Variants in SLC30A6 observed in about 807,000 individuals in gnomAD.
SLC30A6 encodes the protein zinc transporter 6.
SLC30A6 carries 55 observed loss-of-function variants against 63.0 expected under a neutral mutation model. The ratio of observed to expected loss-of-function variants is 0.87; its 90% confidence interval spans 0.70 to 1.09. The LOEUF is 1.09. SLC30A6 is among the 50% of genes least tolerant of loss of function. The probability of loss-of-function intolerance (pLI) is 0.00; values close to 1 mark genes in which losing one functional copy is unlikely to be tolerated. For synonymous variants in SLC30A6, 224 were observed against 186.1 expected, an observed-to-expected ratio of 1.20 and a Z score of -1.66; for missense variants, 587 against 549.2, an observed-to-expected ratio of 1.07 and a Z score of -0.69.
In SLC30A6 at chr2:32,204,575, G is replaced by C. The variant is rs1305269606; in HGVS notation, c.666-15G>C. On this transcript the variant is annotated splice_polypyrimidine_tract_variant and intron_variant, in intron 10 of 13. Transcript: ENST00000282587. Reference sequence around the variant, plus strand: ...AGATATAAATTTAAAATTTAGAATTGTTTTTTCCTTTTAGTAATTATTTTG... The same window carrying C: ...AGATATAAATTTAAAATTTAGAATTCTTTTTTCCTTTTAGTAATTATTTTG... 3 of 1,574,472 alleles carry C rather than the reference G, an allele frequency of 1.9e-6. No individual in the cohort carries two copies. The highest frequency in any genetic ancestry group is 2.6e-6 in the Non-Finnish European group (3 of 1,147,336).
intron 10 of SLC30A6, chr2:32,203,482 A>T: frequency 1.2e-6 from 2 of 1,603,312 alleles, no homozygotes; most frequent in Non-Finnish European, 1.7e-6. Flanking sequence ...CAGTGGATGC[A>T]TTGGCTGCAG....
Position 32,219,265 on chromosome 2 carries a change from G to C in SLC30A6, c.886-948G>C, listed in dbSNP as rs116787227. Reference sequence around the variant, plus strand: ...GTCAGGCTGGTCTCGAACTCCTGACGTCAGGGGTGATCCGCCCACCTCAGC... The same window carrying C: ...GTCAGGCTGGTCTCGAACTCCTGACCTCAGGGGTGATCCGCCCACCTCAGC... On this transcript the variant is annotated intron_variant, in intron 13 of 13. Transcript: ENST00000282587. Among the ~76,000 whole-genome samples, 985 of 149,816 alleles carry C rather than the reference G, an allele frequency of 6.6e-3. 7 individuals are homozygous for C. The highest frequency in any genetic ancestry group is 0.011 in the Non-Finnish European group (722 of 67,272).
At chr2:32,203,812 A>C (rs1300558727) in intron 10 of SLC30A6, 7 of 1,451,936 alleles carry the variant, frequency 4.8e-6, no homozygotes, top group Admixed American at 1.7e-5. Context: ...TGATAGAAAC[A>C]CATCTTCTAA....
intron 5 of SLC30A6, among the ~76,000 whole-genome samples, chr2:32,189,281 C>CTTTTTTTTTTTTTTT (rs61221362): frequency 1.7e-5 from 2 of 114,872 alleles, no homozygotes; most frequent in Non-Finnish European, 1.7e-5. Flanking sequence ...TTGATACTGT[C>CTTTTTTTTTTTTTTT]TTTTTTTTTT....
At chr2:32,181,251 G>T (rs780980781) in intron 4 of SLC30A6, among the ~76,000 whole-genome samples, 1 of 152,226 alleles carries the variant, frequency 6.6e-6, no homozygotes, top group Admixed American at 6.5e-5. Flanking sequence ...TTCGATCAGT[G>T]TACCATATTT....
At chr2:32,216,533 CAAAATAAA>C in intron 13 of SLC30A6, among the ~76,000 whole-genome samples, 1 of 112,508 alleles carries the variant, frequency 8.9e-6, no homozygotes, top group South Asian at 3.1e-4. Flanking sequence ...AAGACTCTCT[CAAAATAAA>C]TAAATAAATA....
chr2:32,207,461 C>T (rs1209655318), intron 12 of SLC30A6, among the ~76,000 whole-genome samples: 2 of 151,836 alleles, frequency 1.3e-5, no homozygotes, highest in African/African-American at 2.4e-5. Context: ...ACTGCAACCT[C>T]CGTCTCCCAG....
intron 5 of SLC30A6, among the ~76,000 whole-genome samples, chr2:32,186,448 G>A (rs552408953): frequency 6.6e-6 from 1 of 152,352 alleles, no homozygotes; most frequent in African/African-American, 2.4e-5. Flanking sequence ...GACTTCGGGA[G>A]GCCAAGGTGG....
At chr2:32,172,043 G>C (rs2148800026) in intron 2 of SLC30A6, among the ~76,000 whole-genome samples, 1 of 152,222 alleles carries the variant, frequency 6.6e-6, no homozygotes, top group African/African-American at 2.4e-5. Flanking sequence ...TTTTGAGACT[G>C]TAAATAAAAA....
chr2:32,209,250 C>A lies in SLC30A6; in HGVS notation c.817-243C>A, dbSNP rs138868047. ...GTTGGGGTAGGGGTTTAAAACTGAG[C>A]AGTGGGGACCTGATTCTAAAAGAAT... On this transcript the variant is annotated intron_variant, in intron 12 of 13. Coordinates refer to ENST00000282587, the MANE Select transcript of SLC30A6 (RefSeq NM_017964.5). 4.1e-3 allele frequency among the ~76,000 whole-genome samples: 624 copies of A among 152,248 alleles called. 8 individuals are homozygous for A. Among genetic ancestry groups the A allele is most frequent in the African/African-American group, 0.014 (589 of 41,560 alleles).
Position 32,171,094 on chromosome 2 carries a change from T to C in SLC30A6, c.4-193T>C, listed in dbSNP as rs563213555. Among the ~76,000 whole-genome samples the C allele has an allele frequency of 3.1e-4, 47 of 152,340 alleles. 2 individuals are homozygous for C. The highest frequency in any genetic ancestry group is 4.4e-5 in the Non-Finnish European group (3 of 68,032). On this transcript the variant is annotated intron_variant, in intron 1 of 13. Transcript: ENST00000282587. ...ACTTTGGATGACTTACTAAAAGTTG[T>C]CTCCACCACATAGGTTTATTGTGAA...
intron 4 of SLC30A6, among the ~76,000 whole-genome samples, chr2:32,179,188 T>C (rs2148819086): frequency 6.6e-6 from 1 of 152,340 alleles, no homozygotes; most frequent in South Asian, 2.1e-4. Flanking sequence ...ACATTGCTGG[T>C]GGGAATATAA....
intron 4 of SLC30A6, among the ~76,000 whole-genome samples, chr2:32,179,051 G>A (rs549771089): frequency 6.6e-6 from 1 of 152,196 alleles, no homozygotes; most frequent in South Asian, 2.1e-4. Flanking sequence ...GTAGAAATGA[G>A]GTCTTCTTAT....
intron 4 of SLC30A6, among the ~76,000 whole-genome samples, chr2:32,183,664 G>T (rs1259361163): frequency 4.7e-5 from 7 of 148,946 alleles, no homozygotes; most frequent in African/African-American, 1.7e-4. Flanking sequence ...CTCCAGCCTG[G>T]GCAACAGAGC....
At chr2:32,217,562 A>G (rs749491568) in intron 13 of SLC30A6, among the ~76,000 whole-genome samples, 17 of 152,134 alleles carry the variant, frequency 1.1e-4, no homozygotes, top group Admixed American at 6.6e-4. Flanking sequence ...TTTTGGTTCC[A>G]TATGTATTTT....
rs374592736 is a variant in SLC30A6, at chr2:32,187,038, C to T, written c.284+2700C>T. The T allele has an allele frequency of 8.4e-5, 28 of 334,466 alleles. 1 individual carries two copies. Among genetic ancestry groups the T allele is most frequent in the African/African-American group, 1.8e-4 (8 of 44,968 alleles). The allele number at this position is 334,466 out of a possible 1,614,324, so 20.7% of individuals were successfully genotyped here. On this transcript the variant is annotated intron_variant, in intron 5 of 13. Transcript: ENST00000282587. ...AAAGAAAGAAAAAGAAAAATGAGTT[C>T]GGGGGAAAAAATGGGAGGACTTTTA...
chr2:32,191,820 G>C (rs1683347768), intron 5 of SLC30A6, among the ~76,000 whole-genome samples: 1 of 152,052 alleles, frequency 6.6e-6, no homozygotes, highest in African/African-American at 2.4e-5. Flanking sequence ...TTGAGCCTGG[G>C]AGTTCAGGGT....
chr2:32,217,629 A>G (rs1685819276), intron 13 of SLC30A6, among the ~76,000 whole-genome samples: 1 of 152,104 alleles, frequency 6.6e-6, no homozygotes, highest in Admixed American at 6.6e-5. Context: ...TAGTAATAGC[A>G]TGGAATCTAT....
intron 13 of SLC30A6, chr2:32,214,332 T>G (rs1261294473): frequency 6.6e-6 from 1 of 152,236 alleles, no homozygotes; most frequent in Admixed American, 6.5e-5. Context: ...AATATTCACA[T>G]TTTTATGGCT....
Sources: allele counts gnomAD v4.1 joint callset (sites outside exome capture counted in the v4.1 genomes callset), GRCh38; gene constraint gnomAD v4.1.1; transcripts MANE v1.5; gene names NCBI Gene and HGNC (gene_info 2026-07-23, HGNC 2026-07-21).